The following TLE3 variants were observed in gnomAD, a reference collection of about 807,000 sequenced individuals.
TLE3 encodes the protein transducin-like enhancer protein 3.
TLE3 carries 14 observed loss-of-function variants against 93.0 expected under a neutral mutation model. That is an observed-to-expected ratio of 0.15 (90% CI 0.10 to 0.24). The LOEUF is 0.24. Ranked by LOEUF, TLE3 falls within the 10% of genes least tolerant of loss-of-function variation. The probability of loss-of-function intolerance (pLI) is 1.00; values close to 1 mark genes in which losing one functional copy is unlikely to be tolerated. For synonymous variants in TLE3, 451 were observed against 425.0 expected (o/e 1.06, Z -0.75); for missense variants, 693 against 1,046.6 (o/e 0.66, Z 4.66).
At chr15:70,056,148 G>A (rs999437235) in intron 14 of TLE3, 150 bp downstream of exon 14, 8 of 848,014 alleles carry the variant, frequency 9.4e-6, no homozygotes, top group Middle Eastern at 2.6e-4. Flanking sequence ...ACCAGCCCTC[G>A]GTGCCTCTAG....
At chr15:70,059,937 C>G (rs2056353460) in intron 9 of TLE3, among the ~76,000 whole-genome samples, 1 of 152,198 alleles carries the variant, frequency 6.6e-6, no homozygotes, top group Admixed American at 6.5e-5. Context: ...TGTCCAAAGC[C>G]ACACAGCAGC....
At chr15:70,095,372 G>A (rs2142098323) in intron 3 of TLE3, 1 of 1,444,066 alleles carries the variant, frequency 6.9e-7, no homozygotes, top group East Asian at 2.5e-5. Context: ...TTCTCTTTCT[G>A]CCCCTCCCCT....
chr15:70,072,633 T>A (rs2057243269), intron 6 of TLE3, among the ~76,000 whole-genome samples: 1 of 152,178 alleles, frequency 6.6e-6, no homozygotes, highest in African/African-American at 2.4e-5. Context: ...TGGCCTGGCT[T>A]TCCTCCTAAA....
chr15:70,082,909 A>G (rs2057855566), intron 4 of TLE3, among the ~76,000 whole-genome samples: 1 of 152,158 alleles, frequency 6.6e-6, no homozygotes, highest in Non-Finnish European at 1.5e-5. Context: ...CCTTCTGCAC[A>G]CTTCCCTGAA....
At chr15:70,059,122 G>A (rs1232005339) in intron 10 of TLE3, among the ~76,000 whole-genome samples, 1 of 152,160 alleles carries the variant, frequency 6.6e-6, no homozygotes, top group Non-Finnish European at 1.5e-5. Context: ...GACCCTGGGG[G>A]GACGGAGGAT....
intron 4 of TLE3, among the ~76,000 whole-genome samples, chr15:70,091,793 C>T (rs372419260): frequency 2.0e-5 from 3 of 152,276 alleles, no homozygotes; most frequent in African/African-American, 7.2e-5. Flanking sequence ...TGGCAGGACT[C>T]GAGGTTCCCA....
At position 70,051,390 on chromosome 15, in the gene TLE3, C is replaced by T. The variant is rs1256272706; in HGVS notation, c.2202+1G>A. On this transcript the variant is annotated splice_donor_variant, in intron 19 of 19. Transcript: ENST00000451782. LOFTEE classifies it high-confidence loss of function. Reference sequence around the variant, plus strand: ...AGGAGGACTCAGACGGTGGGCAGTACCTGGAATATGCTGGCTCCATAAGGC... The same window carrying T: ...AGGAGGACTCAGACGGTGGGCAGTATCTGGAATATGCTGGCTCCATAAGGC... 6.2e-7 allele frequency: 1 copy of T among 1,606,538 alleles called. No homozygotes were observed.
Position 70,049,042 on chromosome 15 carries a change from C to G in TLE3, c.*1055G>C, listed in dbSNP as rs2055297767. 2 of 147,960 alleles carry G rather than the reference C, an allele frequency of 1.4e-5. No homozygotes were observed. The allele number at this position is 147,960 out of a possible 1,614,324, so 9.2% of individuals were successfully genotyped here. ...AGCACCCACATCAGTTGCTATTTTTCTCTGGTAGCTCCCTGAGCTGAGTTG... is the reference window on the plus strand; with the variant it reads ...AGCACCCACATCAGTTGCTATTTTTGTCTGGTAGCTCCCTGAGCTGAGTTG... On this transcript the variant is annotated 3_prime_UTR_variant, in exon 20 of 20. Coordinates refer to ENST00000451782, the MANE Select transcript of TLE3 (RefSeq NM_001105192.3).
At chr15:70,060,767 TCCTCTCTGCCCTGCAGATCGTGGCTCC>T in intron 8 of TLE3, 118 bp from the exon 9 acceptor site, 1 of 1,523,794 alleles carries the variant, frequency 6.6e-7, no homozygotes, top group East Asian at 2.4e-5. Flanking sequence ...GAAGCTGAAC[TCCTCTCTGCCCTGCAGATCGTGGCTCC>T]ATCAGAGCCT....
chr15:70,059,929 T>A (rs1373738999), intron 9 of TLE3, among the ~76,000 whole-genome samples: 1 of 152,126 alleles, frequency 6.6e-6, no homozygotes, highest in East Asian at 1.9e-4. Flanking sequence ...GCTCAATGTG[T>A]CCAAAGCCAC....
At chr15:70,096,711 G>A (rs1288654638) in intron 1 of TLE3, 64 bp downstream of exon 1, 3 of 1,597,978 alleles carry the variant, frequency 1.9e-6, no homozygotes, top group Non-Finnish European at 8.5e-7. Flanking sequence ...GGAGGTGCCA[G>A]ATAAACTGCC....
chr15:70,068,557 A>T (rs1315184192), intron 6 of TLE3, among the ~76,000 whole-genome samples: 1 of 152,248 alleles, frequency 6.6e-6, no homozygotes, highest in Admixed American at 6.5e-5. Flanking sequence ...TCCACATTTT[A>T]TAGTGCAGAG....
chr15:70,055,087 G>C lies in TLE3; in HGVS notation c.1540C>G (p.Pro514Ala). 6.2e-7 allele frequency: 1 copy of C among 1,613,880 alleles called. No homozygotes were observed. Among genetic ancestry groups the C allele is most frequent in the South Asian group, 1.1e-5 (1 of 91,042 alleles). ...TGGGAGATGGGGCTCTTGCTGCCTG[G>C]CTGGCTGATGTCCCAGATCTTCACG... ...GCVKIWDISQPGSKSPISQLD... is the reference protein window; with the variant it reads ...GCVKIWDISQAGSKSPISQLD... Residue 514 changes from proline to alanine, a missense_variant, in exon 15 of 20, where the codon CCA becomes GCA. Pro to Ala is a conservative substitution (Grantham distance 27). Transcript: ENST00000451782.
At chr15:70,060,964 G>T (rs983546477) in intron 8 of TLE3, among the ~76,000 whole-genome samples, 7 of 152,228 alleles carry the variant, frequency 4.6e-5, no homozygotes, top group Non-Finnish European at 1.0e-4. Context: ...CTGTGAGGGC[G>T]AGGGTCACCT....
rs748022928 is a variant in TLE3, at chr15:70,083,512, G to T, written c.235-7354C>A. On this transcript the variant is annotated intron_variant, in intron 4 of 19. Transcript: ENST00000451782. The stretch of plus-strand genomic sequence containing the variant: ...ACTGCCCATTCATCCCAGGCACACC[G>T]CCCCCACCCTTCCCTCTCTCCTTCC... 3.5e-4 allele frequency among the ~76,000 whole-genome samples: 28 copies of T among 79,296 alleles called. No homozygotes were observed. The Middle Eastern group carries it at 0.022, about 62-fold the overall frequency. 52.0% of individuals were successfully genotyped at this position (79,296 alleles called of 152,430 possible). A position where few individuals can be genotyped will look rare whatever the true frequency, so the allele number is the denominator to read the frequency against.
At chr15:70,081,396 C>T (rs1366677374) in intron 4 of TLE3, among the ~76,000 whole-genome samples, 3 of 152,264 alleles carry the variant, frequency 2.0e-5, no homozygotes, top group Admixed American at 1.3e-4. Context: ...TGCTGGGCAG[C>T]TGGCTGACCT....
chr15:70,073,734 T>C (rs1379633452), intron 6 of TLE3, among the ~76,000 whole-genome samples: 1 of 152,144 alleles, frequency 6.6e-6, no homozygotes, highest in Non-Finnish European at 1.5e-5. Flanking sequence ...TTGCCCAAAG[T>C]CACACTAAAA....
intron 10 of TLE3, 147 bp downstream of exon 10, chr15:70,059,263 C>A: frequency 3.2e-6 from 3 of 925,388 alleles, no homozygotes; most frequent in Non-Finnish European, 4.8e-6. Flanking sequence ...CTCCTCTTGA[C>A]CCCCTGAGAC....
At chr15:70,086,876 T>G (rs1205832062) in intron 4 of TLE3, among the ~76,000 whole-genome samples, 1 of 146,934 alleles carries the variant, frequency 6.8e-6, no homozygotes, top group East Asian at 1.9e-4. Context: ...CCCTGCCTTC[T>G]TCCCCTTTTG....
Sources: allele counts gnomAD v4.1 joint callset (sites outside exome capture counted in the v4.1 genomes callset), GRCh38; gene constraint gnomAD v4.1.1; transcripts MANE v1.5; gene names NCBI Gene and HGNC (gene_info 2026-07-23, HGNC 2026-07-21).